Variants in KIAA1217 observed in about 807,000 individuals in gnomAD.
KIAA1217 encodes KIAA1217, also known as sickle tail protein homolog.
KIAA1217 carries 88 observed loss-of-function variants against 163.9 expected under a neutral mutation model. That is an observed-to-expected ratio of 0.54 (90% CI 0.45 to 0.64). The LOEUF (loss-of-function observed/expected upper bound fraction) is 0.64. Ranked by LOEUF, KIAA1217 falls within the 30% of genes least tolerant of loss-of-function variation. The pLI is 0.00. For synonymous variants in KIAA1217, 903 were observed against 923.1 expected (o/e 0.98, Z 0.39); for missense variants, 2,372 against 2,475.0 (o/e 0.96, Z 0.88).
At chr10:24,520,645 A>AAAAAAG (rs2071012006) in intron 11 of KIAA1217, among the ~76,000 whole-genome samples, 1 of 86,490 alleles carries the variant, frequency 1.2e-5, no homozygotes, top group African/African-American at 6.5e-5. Context: ...AAAAAAAAAA[A>AAAAAAG]AAAAAAATAT....
At chr10:24,025,608 A>C (rs1318961708) in intron 2 of KIAA1217, among the ~76,000 whole-genome samples, 1 of 151,746 alleles carries the variant, frequency 6.6e-6, no homozygotes, top group Non-Finnish European at 1.5e-5. Flanking sequence ...GGGACAATTA[A>C]AAGCAAAACA....
chr10:24,305,914 G>T lies in KIAA1217; in HGVS notation c.355-74955G>T, dbSNP rs186400636. ...TCTCATTAGGAAAGAGAAAGAGATC[G>T]CCCAGGAGAGGAAATAGAGCAAGGA... On this transcript the variant is annotated intron_variant, in intron 2 of 20. Transcript: ENST00000376454. Among the ~76,000 whole-genome samples the T allele has an allele frequency of 3.9e-5, 6 of 152,066 alleles. No individual in the cohort carries two copies. The East Asian group carries it at 1.2e-3, about 29-fold the overall frequency.
At chr10:24,198,923 G>A (rs79749809) in intron 2 of KIAA1217, among the ~76,000 whole-genome samples, 1,747 of 152,220 alleles carry the variant, frequency 0.011, 29 homozygotes, top group African/African-American at 0.04. Context: ...GCAATGTTCA[G>A]TATTACATGA....
At chr10:24,245,316 T>G (rs1214893860) in intron 2 of KIAA1217, among the ~76,000 whole-genome samples, 1 of 152,158 alleles carries the variant, frequency 6.6e-6, no homozygotes, top group African/African-American at 2.4e-5. Context: ...AGCTGTGGTC[T>G]CCGCCCTGGC....
intron 17 of KIAA1217, among the ~76,000 whole-genome samples, chr10:24,539,217 T>TTTTTC (rs893878993): frequency 9.2e-5 from 14 of 151,984 alleles, no homozygotes; most frequent in South Asian, 4.2e-4. Flanking sequence ...CATTGTAGAA[T>TTTTTC]TTTTCTTTTC....
intron 1 of KIAA1217, among the ~76,000 whole-genome samples, chr10:23,907,292 T>TTGTGTGTGTGTG (rs146002283): frequency 6.9e-6 from 1 of 145,762 alleles, no homozygotes; most frequent in African/African-American, 2.5e-5. Flanking sequence ...CCAATATGAT[T>TTGTGTGTGTGTG]TGTGTGTGTG....
At chr10:24,073,212 A>G (rs943790579) in intron 2 of KIAA1217, among the ~76,000 whole-genome samples, 1 of 152,136 alleles carries the variant, frequency 6.6e-6, no homozygotes, top group Non-Finnish European at 1.5e-5. Context: ...AAGAGAAACA[A>G]GAAGGAAGCA....
intron 2 of KIAA1217, among the ~76,000 whole-genome samples, chr10:24,120,352 G>A (rs182195684): frequency 3.9e-5 from 6 of 152,300 alleles, no homozygotes; most frequent in African/African-American, 1.4e-4. Context: ...GGGAGACGGG[G>A]AGGGGAATCT....
At chr10:24,400,936 T>C (rs1352474498) in intron 3 of KIAA1217, among the ~76,000 whole-genome samples, 6 of 126,884 alleles carry the variant, frequency 4.7e-5, no homozygotes, top group African/African-American at 2.3e-4. Context: ...GATTGAAAAA[T>C]AACACAAAAT....
intron 2 of KIAA1217, among the ~76,000 whole-genome samples, chr10:24,145,727 C>A (rs2064280294): frequency 6.6e-6 from 1 of 152,346 alleles, no homozygotes; most frequent in South Asian, 2.1e-4. Context: ...GCCCGAGAGC[C>A]CCTGACAAAC....
chr10:24,064,234 G>A (rs11013873), intron 2 of KIAA1217, among the ~76,000 whole-genome samples: 17,138 of 151,874 alleles, frequency 0.11, 2,151 homozygotes, highest in African/African-American at 0.31. Flanking sequence ...TTCAAAGGGA[G>A]TGCTTCTAGT....
At chr10:24,319,408 C>T (rs1205522077) in intron 2 of KIAA1217, among the ~76,000 whole-genome samples, 1 of 118,774 alleles carries the variant, frequency 8.4e-6, no homozygotes, top group African/African-American at 3.2e-5. Flanking sequence ...AAAAAAAAGG[C>T]AGGGGATGGC....
Position 24,546,500 on chromosome 10 carries a change from T to G in KIAA1217, c.*176T>G. 1.4e-6 allele frequency: 1 copy of G among 715,478 alleles called. No individual in the cohort carries two copies. The highest frequency in any genetic ancestry group is 2.2e-6 in the Non-Finnish European group (1 of 449,518). The allele number at this position is 715,478 out of a possible 1,614,324, so 44.3% of individuals were successfully genotyped here. On this transcript the variant is annotated 3_prime_UTR_variant, in exon 21 of 21. Transcript: ENST00000376454. ...GTAAAGCTCGTTCGTTTTGTTTGGT[T>G]TTCTTTTTACCTAGTTGCTATAGTG... is the stretch of plus-strand genomic sequence containing the variant.
intron 2 of KIAA1217, among the ~76,000 whole-genome samples, chr10:24,026,742 ATTTTTTTT>A: frequency 1.4e-5 from 1 of 70,094 alleles, no homozygotes; most frequent in African/African-American, 5.9e-5. Flanking sequence ...TATTTCATTG[ATTTTTTTT>A]TTTTTTTTTT....
At chr10:24,214,776 G>A (rs921526242) in intron 1 of KIAA1217, among the ~76,000 whole-genome samples, 2 of 152,214 alleles carry the variant, frequency 1.3e-5, no homozygotes, top group African/African-American at 2.4e-5. Context: ...CCACTAGAAA[G>A]AAGTGAGGGA....
At chr10:23,974,945 T>C (rs188618428) in intron 1 of KIAA1217, among the ~76,000 whole-genome samples, 2 of 152,050 alleles carry the variant, frequency 1.3e-5, no homozygotes, top group Non-Finnish European at 1.5e-5. Flanking sequence ...TATTTATGGC[T>C]CTTTTTCACG....
At chr10:23,862,514 C>A (rs1026384511) in intron 1 of KIAA1217, among the ~76,000 whole-genome samples, 2 of 151,800 alleles carry the variant, frequency 1.3e-5, no homozygotes, top group Non-Finnish European at 2.9e-5. Context: ...TCTTTGGAGC[C>A]GAATGTCTCT....
chr10:24,228,145 C>T (rs956122893), intron 2 of KIAA1217, among the ~76,000 whole-genome samples: 2 of 151,924 alleles, frequency 1.3e-5, no homozygotes, highest in African/African-American at 4.8e-5. Flanking sequence ...CATGATGACT[C>T]GTGCCAGTTG....
intron 13 of KIAA1217, among the ~76,000 whole-genome samples, chr10:24,525,217 A>G (rs776770103): frequency 1.3e-5 from 2 of 152,198 alleles, no homozygotes; most frequent in Non-Finnish European, 2.9e-5. Flanking sequence ...AAATGTAACA[A>G]TCAGCTCTCC....
Sources: allele counts gnomAD v4.1 joint callset (sites outside exome capture counted in the v4.1 genomes callset), GRCh38; gene constraint gnomAD v4.1.1; transcripts MANE v1.5; gene names NCBI Gene and HGNC (gene_info 2026-07-23, HGNC 2026-07-21).